The following LRRC37A2 variants were observed in gnomAD, a reference collection of about 807,000 sequenced individuals.
LRRC37A2 encodes the protein leucine rich repeat containing 37 member A2.
In LRRC37A2, 9 loss-of-function variants were observed where a neutral mutation model predicts 68.8. The observed-to-expected ratio is 0.13, with a 90% CI of 0.08 to 0.23. LRRC37A2 has a LOEUF of 0.23. LRRC37A2 is among the 10% of genes least tolerant of loss of function. The pLI is 1.00. For synonymous variants in LRRC37A2, 63 were observed against 367.6 expected, an observed-to-expected ratio of 0.17 and a Z score of 9.48; for missense variants, 168 against 950.4, an observed-to-expected ratio of 0.18 and a Z score of 10.82.
At chr17:46,918,512 G>A in the LRRC37A2 span, among the ~76,000 whole-genome samples, 3 of 152,044 alleles carry the variant, frequency 2.0e-5, no homozygotes, top group Non-Finnish European at 2.9e-5. Context: ...TTAGGTTGGT[G>A]CAAAAGTAAT....
At chr17:46,971,999 G>A in the LRRC37A2 span, among the ~76,000 whole-genome samples, 1 of 152,350 alleles carries the variant, frequency 6.6e-6, no homozygotes, top group Middle Eastern at 3.4e-3. Flanking sequence ...GGTAGGCAGA[G>A]GGCACAGGGC....
the LRRC37A2 span, among the ~76,000 whole-genome samples, chr17:46,716,261 C>CTT: frequency 4.3e-3 from 623 of 143,750 alleles, 3 homozygotes; most frequent in African/African-American, 0.011. Context: ...CTTGCCCCTC[C>CTT]TTTTTTTTTT....
At chr17:46,994,668 G>A in the LRRC37A2 span, among the ~76,000 whole-genome samples, 106,329 of 151,860 alleles carry the variant, frequency 0.7, 37,844 homozygotes, top group Middle Eastern at 0.78. Context: ...AAGGCAGTCC[G>A]TGGCCTTGAC....
chr17:46,877,189 G>A, the LRRC37A2 span: 1 of 613,550 alleles, frequency 1.6e-6, no homozygotes, highest in Non-Finnish European at 2.0e-6. Flanking sequence ...GGTCAATCGG[G>A]TCCTGTGGCC....
chr17:47,005,185 T>C, the LRRC37A2 span, among the ~76,000 whole-genome samples: 1 of 152,250 alleles, frequency 6.6e-6, no homozygotes, highest in Admixed American at 6.5e-5. Context: ...CCTGTTTTCC[T>C]TGGAAATGTT....
chr17:46,978,465 C>G, the LRRC37A2 span: 6 of 637,272 alleles, frequency 9.4e-6, no homozygotes, highest in Non-Finnish European at 1.6e-5. Context: ...CAGGACAGAG[C>G]CGGGCGTCCA....
At chr17:46,918,915 C>A in the LRRC37A2 span, among the ~76,000 whole-genome samples, 36 of 152,278 alleles carry the variant, frequency 2.4e-4, no homozygotes, top group Middle Eastern at 3.4e-3. Context: ...TCCCCACTGG[C>A]CTTATCTTCC....
In LRRC37A2 at chr17:46,520,924, A is replaced by T. The variant is rs186302550; in HGVS notation, c.2753+641A>T. On this transcript the variant is annotated intron_variant, in intron 4 of 14. Transcript: ENST00000576629. ...GGAATTAAATTAACATTTAAATATT[A>T]AAAATAGCTGAATTATATCAATATT... Among the ~76,000 whole-genome samples the T allele has an allele frequency of 1.7e-3, 134 of 80,426 alleles. 39 individuals carry two copies. Among genetic ancestry groups the T allele is most frequent in the African/African-American group, 4.7e-3 (131 of 27,588 alleles). The allele number at this position is 80,426 out of a possible 152,430, so 52.8% of individuals were successfully genotyped here.
At chr17:46,715,358 T>G in the LRRC37A2 span, among the ~76,000 whole-genome samples, 1 of 152,216 alleles carries the variant, frequency 6.6e-6, no homozygotes. Context: ...TCGTTTTCCC[T>G]CTGATGGGAA....
the LRRC37A2 span, among the ~76,000 whole-genome samples, chr17:46,959,040 T>C: frequency 2.6e-5 from 4 of 152,210 alleles, no homozygotes; most frequent in Admixed American, 1.3e-4. Flanking sequence ...GATAGCTGCA[T>C]GCAAGGCTGT....
At chr17:46,771,982 G>C in the LRRC37A2 span, among the ~76,000 whole-genome samples, 1 of 149,994 alleles carries the variant, frequency 6.7e-6, no homozygotes, top group East Asian at 2.0e-4. Flanking sequence ...GCCGCCCCCA[G>C]ACTCGCGGAA....
the LRRC37A2 span, chr17:46,755,165 G>T: frequency 1.6e-6 from 1 of 641,684 alleles, no homozygotes; most frequent in East Asian, 2.7e-5. Flanking sequence ...TGTTTTGTGT[G>T]AGAATGCTGG....
At chr17:46,382,431 AG>A in the LRRC37A2 span, among the ~76,000 whole-genome samples, 1 of 64,766 alleles carries the variant, frequency 1.5e-5, no homozygotes, top group South Asian at 6.5e-4. Flanking sequence ...GCGCAGTCAT[AG>A]CTCACTGCAG....
At chr17:46,738,035 T>C in the LRRC37A2 span, among the ~76,000 whole-genome samples, 2 of 151,856 alleles carry the variant, frequency 1.3e-5, no homozygotes, top group Non-Finnish European at 2.9e-5. Flanking sequence ...CTGGGCTCAA[T>C]TGATCCTCCC....
At chr17:46,995,720 T>G in the LRRC37A2 span, among the ~76,000 whole-genome samples, 7 of 152,202 alleles carry the variant, frequency 4.6e-5, no homozygotes, top group Non-Finnish European at 1.0e-4. Context: ...AATGATTCCC[T>G]CAGGACAGCT....
the LRRC37A2 span, among the ~76,000 whole-genome samples, chr17:46,954,801 G>T: frequency 6.6e-6 from 1 of 152,180 alleles, no homozygotes; most frequent in Non-Finnish European, 1.5e-5. Context: ...GTGAATGGGA[G>T]TTCACTCATG....
the LRRC37A2 span, among the ~76,000 whole-genome samples, chr17:46,771,634 CGGCCGCCGGGCCCG>C: frequency 5.6e-4 from 81 of 145,794 alleles, 1 homozygote; most frequent in East Asian, 9.1e-3. Context: ...CCGCATAATG[CGGCCGCCGGGCCCG>C]GGCCGCCGGG....
chr17:46,841,180 A>G, the LRRC37A2 span, among the ~76,000 whole-genome samples: 1 of 152,250 alleles, frequency 6.6e-6, no homozygotes, highest in Non-Finnish European at 1.5e-5. Flanking sequence ...TGACAGGAAC[A>G]TGACACGCAT....
the LRRC37A2 span, among the ~76,000 whole-genome samples, chr17:46,781,541 G>T: frequency 1.3e-5 from 2 of 152,208 alleles, no homozygotes; most frequent in African/African-American, 4.8e-5. Context: ...GAGGTGTCTA[G>T]GTAAATTCAC....
Sources: allele counts gnomAD v4.1 joint callset (sites outside exome capture counted in the v4.1 genomes callset), GRCh38; gene constraint gnomAD v4.1.1; transcripts MANE v1.5; gene names NCBI Gene and HGNC (gene_info 2026-07-23, HGNC 2026-07-21).